PRDM15: variants seen among roughly 807,000 people sequenced by gnomAD.
The protein encoded by PRDM15 is PR domain zinc finger protein 15.
PRDM15 carries 64 observed loss-of-function variants against 128.6 expected under a neutral mutation model. That is an observed-to-expected ratio of 0.50 (90% CI 0.41 to 0.61). PRDM15 has a LOEUF of 0.61. Ranked by LOEUF, PRDM15 falls within the 20% of genes least tolerant of loss-of-function variation. The pLI, the probability that PRDM15 is intolerant of heterozygous loss-of-function variation, is 0.00. For synonymous variants in PRDM15, 615 were observed against 621.8 expected (o/e 0.99, Z 0.16); for missense variants, 1,242 against 1,569.1 (o/e 0.79, Z 3.52).
chr21:41,855,100 G>A (rs1038317244), intron 4 of PRDM15, among the ~76,000 whole-genome samples: 2 of 152,198 alleles, frequency 1.3e-5, no homozygotes, highest in Non-Finnish European at 2.9e-5. Context: ...CACGGCCCAG[G>A]TGCGGAACTC....
chr21:41,855,103 C>T (rs534250590), intron 4 of PRDM15, among the ~76,000 whole-genome samples: 6 of 152,274 alleles, frequency 3.9e-5, no homozygotes, highest in African/African-American at 7.2e-5. Context: ...GGCCCAGGTG[C>T]GGAACTCAAG....
chr21:41,810,467 T>G lies in PRDM15; in HGVS notation c.2477-138A>C. Reference sequence around the variant, plus strand: ...GCCCCGCCCATCCTGAGAGGGCCGGTGCTGGTCCCCGAGCACACATGAGCA... The same window carrying G: ...GCCCCGCCCATCCTGAGAGGGCCGGGGCTGGTCCCCGAGCACACATGAGCA... On this transcript the variant is annotated intron_variant, in intron 20 of 23. Coordinates refer to ENST00000398548, the MANE Select transcript of PRDM15 (RefSeq NM_001040424.3). The surrounding 1 kb of genome is among the most constrained non-coding windows in gnomAD (Gnocchi z 6.4). The G allele has an allele frequency of 1.0e-6, 1 of 967,782 alleles. No homozygotes were observed. The highest frequency in any genetic ancestry group is 1.6e-5 in the African/African-American group (1 of 61,572). The allele number at this position is 967,782 out of a possible 1,614,324, so 59.9% of individuals were successfully genotyped here.
Position 41,847,165 on chromosome 21 carries a change from G to A in PRDM15, c.565C>T (p.Pro189Ser), listed in dbSNP as rs372900156. 6.4e-7 allele frequency: 1 copy of A among 1,554,216 alleles called. No individual in the cohort carries two copies. ...CACTGGCTGGGCTCCGACTCCACGG[G>A]GGCGCTGTTTTCTGGGGTGCCTGCA... Reference protein sequence around the residue: ...HAAGTPENSAPVESEPSQWAC... With the variant: ...HAAGTPENSASVESEPSQWAC... The change falls in exon 6 of 24, where the codon CCC becomes TCC. Residue 189 changes from proline to serine, a missense_variant. Physicochemically the swap from Pro to Ser is moderately conservative, Grantham distance 74 (BLOSUM62 -1). Coordinates refer to ENST00000398548, the MANE Select transcript of PRDM15 (RefSeq NM_001040424.3).
intron 6 of PRDM15, among the ~76,000 whole-genome samples, chr21:41,845,823 A>T (rs1354740701): frequency 6.6e-6 from 1 of 152,112 alleles, no homozygotes; most frequent in Non-Finnish European, 1.5e-5. Flanking sequence ...AGAAACACAA[A>T]TGAGCAGCAA....
chr21:41,839,924 G>T, intron 6 of PRDM15, 71 bp from the exon 7 acceptor site: 1 of 1,284,470 alleles, frequency 7.8e-7, no homozygotes, highest in Non-Finnish European at 1.1e-6. Flanking sequence ...CCTGGCCTCT[G>T]GTTCCTATGT....
At chr21:41,824,229 G>C (rs2062387368) in intron 13 of PRDM15, among the ~76,000 whole-genome samples, 1 of 152,242 alleles carries the variant, frequency 6.6e-6, no homozygotes, top group Admixed American at 6.5e-5. Context: ...CTAGGGAGAG[G>C]ATGCCGGCAT....
chr21:41,836,244 T>TAGAG (rs1555880763), intron 9 of PRDM15, 37 bp from the exon 10 acceptor site: 6 of 1,571,566 alleles, frequency 3.8e-6, no homozygotes, highest in Non-Finnish European at 5.3e-6. Context: ...ATTCACTACT[T>TAGAG]AGAGCATTTA....
In PRDM15 at chr21:41,859,964, G is replaced by T. The variant is rs960709983; in HGVS notation, c.38-279C>A. Among the ~76,000 whole-genome samples, 3 of 152,126 alleles carry T rather than the reference G, an allele frequency of 2.0e-5. No individual in the cohort carries two copies. Among genetic ancestry groups the T allele is most frequent in the Non-Finnish European group, 2.9e-5 (2 of 68,030 alleles). Reference sequence around the variant, plus strand: ...CGCCGCACGCCTCAAATCAAGCACGGTCACCTCCATGGTGACGAAGACCAA... The same window carrying T: ...CGCCGCACGCCTCAAATCAAGCACGTTCACCTCCATGGTGACGAAGACCAA... On this transcript the variant is annotated intron_variant, in intron 2 of 23. Coordinates refer to ENST00000398548, the MANE Select transcript of PRDM15 (RefSeq NM_001040424.3). This position sits in a 1 kb window ranked among gnomAD's most constrained non-coding sequence, Gnocchi z 5.3.
Position 41,821,803 on chromosome 21 carries a change from C to T in PRDM15, c.1896+100G>A. The T allele has an allele frequency of 5.5e-6, 8 of 1,455,960 alleles. No individual in the cohort carries two copies. Among genetic ancestry groups the T allele is most frequent in the Non-Finnish European group, 7.6e-6 (8 of 1,056,982 alleles). The allele number at this position is 1,455,960 out of a possible 1,614,324, so 90.2% of individuals were successfully genotyped here. A position where few individuals can be genotyped will look rare whatever the true frequency, so the allele number is the denominator to read the frequency against. On this transcript the variant is annotated intron_variant, in intron 15 of 23. Transcript: ENST00000398548. The surrounding 1 kb of genome is among the most constrained non-coding windows in gnomAD (Gnocchi z 5.4). ...AGCCTTTGGGGAGGGAGGGCTGCTT[C>T]CGAGATGCATGAAGGTGCCTGCTGT...
At position 41,859,452 on chromosome 21, in the gene PRDM15, G is replaced by A; in HGVS notation, c.131+140C>T. 1 of 740,914 alleles carries A rather than the reference G, an allele frequency of 1.3e-6. No homozygotes were observed. Among genetic ancestry groups the A allele is most frequent in the South Asian group, 1.8e-5 (1 of 55,194 alleles). The allele number at this position is 740,914 out of a possible 1,614,324, so 45.9% of individuals were successfully genotyped here. A position where few individuals can be genotyped will look rare whatever the true frequency, so the allele number is the denominator to read the frequency against. The stretch of plus-strand genomic sequence containing the variant: ...CAGCAACGCTGCTCAGTTCACAGTG[G>A]GAGCGGAATCGCTGGCTCTCACTCA... On this transcript the variant is annotated intron_variant, in intron 3 of 23. Coordinates refer to ENST00000398548, the MANE Select transcript of PRDM15 (RefSeq NM_001040424.3). The surrounding 1 kb of genome is among the most constrained non-coding windows in gnomAD (Gnocchi z 5.3).
intron 11 of PRDM15, among the ~76,000 whole-genome samples, chr21:41,830,894 G>A (rs971330527): frequency 3.9e-5 from 6 of 152,208 alleles, no homozygotes; most frequent in East Asian, 3.8e-4. Flanking sequence ...CAGGCACCTC[G>A]GGGGTCCTCA....
chr21:41,860,296 C>T (rs78976620), intron 2 of PRDM15, 31 bp downstream of exon 2: 5 of 1,597,728 alleles, frequency 3.1e-6, no homozygotes, highest in Admixed American at 1.7e-5. Flanking sequence ...GGGCTGGTCT[C>T]GGACCTGGGA....
chr21:41,823,282 G>T, intron 14 of PRDM15, 36 bp downstream of exon 14: 1 of 1,602,310 alleles, frequency 6.2e-7, no homozygotes, highest in South Asian at 1.1e-5. Context: ...GGCCTGCCGT[G>T]AGCATGCCTG....
Position 41,860,344 on chromosome 21 carries a change from T to G in PRDM15, c.20A>C (p.Glu7Ala), listed in dbSNP as rs756229791. Residue 7 changes from glutamate (E) to alanine (A), a missense_variant, in exon 2 of 24, where the codon GAA (glutamate) becomes GCA (alanine). Transcript: ENST00000398548. ...TCACTTACAGATGAACATGATCTCT[T>G]CGCTCCCATCTTCAGCCATCTCTGA... MAEDGS[E>A]EIMFIWCEDC... 5 of 1,613,886 alleles carry G rather than the reference T, an allele frequency of 3.1e-6. No individual in the cohort carries two copies. Among genetic ancestry groups the G allele is most frequent in the Non-Finnish European group, 4.2e-6 (5 of 1,179,882 alleles).
In PRDM15 at chr21:41,799,850, A is replaced by C. The variant is rs1568861496; in HGVS notation, c.*1390T>G. On this transcript the variant is annotated 3_prime_UTR_variant, in exon 24 of 24. Coordinates refer to ENST00000398548, the MANE Select transcript of PRDM15 (RefSeq NM_001040424.3). ...TGTGGCCACAAACAGAGTACCAGGA[A>C]AGTTAAGAGCAAACTTCTCCCCACA... is the stretch of plus-strand genomic sequence containing the variant. 6.6e-6 allele frequency: 1 copy of C among 152,492 alleles called. No homozygotes were observed. Among genetic ancestry groups the C allele is most frequent in the Non-Finnish European group, 1.5e-5 (1 of 68,028 alleles). The allele number at this position is 152,492 out of a possible 1,614,324, so 9.4% of individuals were successfully genotyped here.
At chr21:41,851,020 G>A (rs993294780) in intron 5 of PRDM15, among the ~76,000 whole-genome samples, 3 of 152,146 alleles carry the variant, frequency 2.0e-5, no homozygotes, top group African/African-American at 4.8e-5. Context: ...ACAGGAAGAC[G>A]GTTCCTGGGT....
chr21:41,823,907 T>C (rs1245481193), intron 13 of PRDM15, among the ~76,000 whole-genome samples: 2 of 152,248 alleles, frequency 1.3e-5, no homozygotes, highest in Non-Finnish European at 2.9e-5. Flanking sequence ...CAGCCTGGCA[T>C]GATGGGTGTG....
rs749323568 is a variant in PRDM15, at chr21:41,861,538, C to CCG, written c.-9-1167_-9-1166insCG. 2.6e-6 allele frequency: 4 copies of CCG among 1,551,744 alleles called. No homozygotes were observed. The East Asian group carries it at 9.1e-5, about 35-fold the overall frequency. On this transcript the variant is annotated intron_variant, in intron 1 of 23. Coordinates refer to ENST00000398548, the MANE Select transcript of PRDM15 (RefSeq NM_001040424.3). Reference sequence around the variant, plus strand: ...CCAAATGATTATTCCTCCTCTGCCCCCCCCCAATCCCCAACTGTGCGCACC... The same window carrying CCG: ...CCAAATGATTATTCCTCCTCTGCCCCCGCCCCCAATCCCCAACTGTGCGCACC...
At position 41,836,581 on chromosome 21, in the gene PRDM15, ATGCCGTGTC is replaced by A. The variant is rs1568956754; in HGVS notation, c.1061_1069del (p.Arg354_Gly356del). The A allele has an allele frequency of 6.2e-7, 1 of 1,613,454 alleles. No homozygotes were observed. The highest frequency in any genetic ancestry group is 1.7e-5 in the Admixed American group (1 of 59,968). On this transcript the variant is annotated inframe_deletion, in exon 9 of 24. Transcript: ENST00000398548. ...GAGCTGTTTGATGAGCTTGCGCCGG[ATGCCGTGTC>A]TGCTTGAGAGAATTAAGCTCCTCTT...
Sources: gnomAD v4.1 joint callset for allele counts (sites outside exome capture counted in the v4.1 genomes callset) on GRCh38, gnomAD v4.1.1 for gene constraint, Gnocchi (gnomAD v3.1) non-coding constraint, MANE v1.5 for transcripts, NCBI Gene and HGNC (gene_info 2026-07-23, HGNC 2026-07-21) for gene names.